Variants in CABP1 observed in about 807,000 individuals in gnomAD.
CABP1 encodes the protein calcium-binding protein 1.
Under a neutral mutation model 34.3 loss-of-function variants are expected in CABP1, and 17 were observed. The ratio of observed to expected loss-of-function variants is 0.50; its 90% CI spans 0.34 to 0.74. CABP1 has a LOEUF of 0.74. Ranked by LOEUF, CABP1 falls within the 30% of genes least tolerant of loss-of-function variation. The pLI is 0.01. For missense variants in CABP1, 373 were observed against 511.1 expected, an observed-to-expected ratio of 0.73 and a Z score of 2.61; for synonymous variants, 198 against 229.2, an observed-to-expected ratio of 0.86 and a Z score of 1.23.
intron 1 of CABP1, chr12:120,655,761 C>T (rs545618633): frequency 4.1e-5 from 61 of 1,476,202 alleles, no homozygotes; most frequent in Middle Eastern, 1.9e-4. Flanking sequence ...AGAAGCCCCC[C>T]GCTGCCCCTG....
Position 120,660,956 on chromosome 12 carries a change from A to T in CABP1, c.940-115A>T. Reference sequence around the variant, plus strand: ...AGATCAGGGGAGGGAGCTTGGACAGAGAAAGGTCTCTGGTAAAGGGGGGCA... The same window carrying T: ...AGATCAGGGGAGGGAGCTTGGACAGTGAAAGGTCTCTGGTAAAGGGGGGCA... On this transcript the variant is annotated intron_variant, in intron 4 of 5. Transcript: ENST00000316803. The surrounding 1 kb of genome is among the most constrained non-coding windows in gnomAD (Gnocchi z 5.0). The T allele has an allele frequency of 7.0e-7, 1 of 1,420,868 alleles. No homozygotes were observed. 88.0% of individuals were successfully genotyped at this position (1,420,868 alleles called of 1,614,324 possible). A position where few individuals can be genotyped will look rare whatever the true frequency, so the allele number is the denominator to read the frequency against.
At chr12:120,659,778 C>G in intron 1 of CABP1, 100 bp from the exon 2 acceptor site, 2 of 1,090,724 alleles carry the variant, frequency 1.8e-6, no homozygotes, top group Non-Finnish European at 2.8e-6. Flanking sequence ...TCGTCACCTC[C>G]TACCCAGTGC....
rs1593157246 is a variant in CABP1 at position 120,649,792 on chromosome 12, C to T, written c.654+8453C>T. 2.6e-5 allele frequency among the ~76,000 whole-genome samples: 4 copies of T among 152,212 alleles called. No individual in the cohort carries two copies. In the East Asian group the frequency reaches 7.7e-4, roughly 29 times the overall value. ...ACTGTTGGCTCATCTGCACTGCCGG[C>T]CCCCGAGCCTCGTCCCATTTCAGTG... On this transcript the variant is annotated intron_variant, in intron 1 of 5. Coordinates refer to ENST00000316803, the MANE Select transcript of CABP1 (RefSeq NM_001033677.2).
chr12:120,660,580 A>G lies in CABP1; in HGVS notation c.830-151A>G, dbSNP rs1880562368. On this transcript the variant is annotated intron_variant, in intron 3 of 5. Coordinates refer to ENST00000316803, the MANE Select transcript of CABP1 (RefSeq NM_001033677.2). The surrounding 1 kb of genome is among the most constrained non-coding windows in gnomAD (Gnocchi z 5.0). Reference sequence around the variant, plus strand: ...TAAAACAGCCCAATAACTGGCTCACAGGAAGAACTGAACAGAGGGCTCTTG... The same window carrying G: ...TAAAACAGCCCAATAACTGGCTCACGGGAAGAACTGAACAGAGGGCTCTTG... 1.4e-6 allele frequency: 1 copy of G among 734,484 alleles called. No homozygotes were observed. The highest frequency in any genetic ancestry group is 1.8e-5 in the African/African-American group (1 of 56,942). 45.5% of individuals were successfully genotyped at this position (734,484 alleles called of 1,614,324 possible).
intron 1 of CABP1, among the ~76,000 whole-genome samples, chr12:120,647,210 G>A (rs1879579646): frequency 2.0e-5 from 3 of 152,064 alleles, no homozygotes. Flanking sequence ...GGGGAAGACG[G>A]CGCTTTCTAG....
chr12:120,659,979 G>C, intron 2 of CABP1, 71 bp downstream of exon 2: 1 of 1,503,634 alleles, frequency 6.7e-7, no homozygotes, highest in South Asian at 1.2e-5. Context: ...AGGTTGATGG[G>C]AAGAGAGGCC....
At chr12:120,657,226 A>G (rs1593164813) in intron 1 of CABP1, among the ~76,000 whole-genome samples, 3 of 152,312 alleles carry the variant, frequency 2.0e-5, no homozygotes, top group Middle Eastern at 3.4e-3. Context: ...GCGGCTAGTG[A>G]ATTGGCCAGC....
intron 1 of CABP1, among the ~76,000 whole-genome samples, chr12:120,654,832 C>T (rs1005179808): frequency 6.6e-6 from 1 of 152,184 alleles, no homozygotes; most frequent in African/African-American, 2.4e-5. Flanking sequence ...TTTTTATAGC[C>T]GCATGGGAAC....
chr12:120,674,908 C>CG, the CABP1 span, among the ~76,000 whole-genome samples: 1 of 131,922 alleles, frequency 7.6e-6, no homozygotes, highest in African/African-American at 2.8e-5. Flanking sequence ...CCACCTCCGC[C>CG]AAAAAAAAAA....
intron 5 of CABP1, among the ~76,000 whole-genome samples, chr12:120,662,873 T>C (rs1263892166): frequency 6.7e-6 from 1 of 148,210 alleles, no homozygotes; most frequent in African/African-American, 2.5e-5. Context: ...TCAGTAGAGA[T>C]GGGGTTTCAC....
intron 5 of CABP1, among the ~76,000 whole-genome samples, chr12:120,665,083 G>T (rs1323695490): frequency 6.6e-6 from 1 of 151,654 alleles, no homozygotes; most frequent in South Asian, 2.1e-4. Context: ...TGGGGGGAGG[G>T]AGGGATGAAT....
intron 1 of CABP1, among the ~76,000 whole-genome samples, chr12:120,654,038 CTGCCTCGCTCTAGTCT>C (rs1880012030): frequency 6.6e-6 from 1 of 152,200 alleles, no homozygotes; most frequent in African/African-American, 2.4e-5. Context: ...CTCTCTTGTT[CTGCCTCGCTCTAGTCT>C]TGCCTCGCTC....
chr12:120,664,891 AAGAG>A (rs952739976), intron 5 of CABP1, among the ~76,000 whole-genome samples: 1 of 151,214 alleles, frequency 6.6e-6, no homozygotes, highest in African/African-American at 2.4e-5. Flanking sequence ...AAAAAAAAAA[AAGAG>A]AGAGAGAGAG....
At chr12:120,651,315 A>G (rs1879834476) in intron 1 of CABP1, among the ~76,000 whole-genome samples, 1 of 152,210 alleles carries the variant, frequency 6.6e-6, no homozygotes, top group Non-Finnish European at 1.5e-5. Flanking sequence ...CAGGGGTTGC[A>G]TGTAAGTCAC....
Position 120,667,196 on chromosome 12 carries a change from G to C in CABP1, c.*296G>C. The C allele has an allele frequency of 1.8e-6, 1 of 543,742 alleles. No homozygotes were observed. The highest frequency in any genetic ancestry group is 3.3e-6 in the Non-Finnish European group (1 of 301,742). The allele number at this position is 543,742 out of a possible 1,614,324, so 33.7% of individuals were successfully genotyped here. ...CAGCTGCTGCTGGCTGGGTGGGCCA[G>C]GGAGCCCGCCAGCAGACCCCACACA... On this transcript the variant is annotated 3_prime_UTR_variant, in exon 6 of 6. Transcript: ENST00000316803.
At chr12:120,659,713 G>A (rs906946154) in intron 1 of CABP1, 165 bp from the exon 2 acceptor site, 16 of 602,696 alleles carry the variant, frequency 2.7e-5, no homozygotes, top group African/African-American at 2.6e-4. Flanking sequence ...TAAGGGAGAT[G>A]TGGGGCTTTC....
Position 120,653,252 on chromosome 12 carries a change from T to C in CABP1, c.655-6626T>C, listed in dbSNP as rs1241686661. On this transcript the variant is annotated intron_variant, in intron 1 of 5. Coordinates refer to ENST00000316803, the MANE Select transcript of CABP1 (RefSeq NM_001033677.2). ...ACCATCATCATCGCCATCATTGCCA[T>C]CACTATGGCAACTCTATTTATTCAC... 5.9e-5 allele frequency among the ~76,000 whole-genome samples: 9 copies of C among 152,280 alleles called. No individual in the cohort carries two copies. In the East Asian group the frequency reaches 1.5e-3, roughly 26 times the overall value.
chr12:120,652,133 T>C (rs1289531920), intron 1 of CABP1, among the ~76,000 whole-genome samples: 5 of 152,202 alleles, frequency 3.3e-5, no homozygotes, highest in South Asian at 2.1e-4. Flanking sequence ...AATATCCACC[T>C]CTTAAGGTGA....
intron 5 of CABP1, among the ~76,000 whole-genome samples, chr12:120,663,966 G>A (rs1039791463): frequency 1.3e-5 from 2 of 152,246 alleles, no homozygotes; most frequent in Non-Finnish European, 2.9e-5. Context: ...GAGACCGTGA[G>A]TGTCCAGAAC....
Sources: allele counts gnomAD v4.1 joint callset (sites outside exome capture counted in the v4.1 genomes callset), GRCh38; gene constraint gnomAD v4.1.1; non-coding constraint Gnocchi (gnomAD v3.1); transcripts MANE v1.5; gene names NCBI Gene and HGNC (gene_info 2026-07-23, HGNC 2026-07-21).